Variants in GPLD1 observed in about 807,000 individuals in gnomAD.
The protein encoded by GPLD1 is phosphatidylinositol-glycan-specific phospholipase D.
GPLD1 carries 84 observed loss-of-function variants against 112.6 expected under a neutral mutation model. The observed-to-expected ratio is 0.75, with a 90% CI of 0.63 to 0.89. The LOEUF (loss-of-function observed/expected upper bound fraction) is 0.89, where lower values mean the gene tolerates loss of function less well. GPLD1 is among the 40% of genes least tolerant of loss of function. The probability of loss-of-function intolerance (pLI) is 0.00; values close to 1 mark genes in which losing one functional copy is unlikely to be tolerated. For synonymous variants in GPLD1, 386 were observed against 403.8 expected, an observed-to-expected ratio of 0.96 and a Z score of 0.53; for missense variants, 1,044 against 1,051.5, an observed-to-expected ratio of 0.99 and a Z score of 0.10.
At chr6:24,462,689 GA>G in intron 11 of GPLD1, 40 bp downstream of exon 11, 2 of 1,325,318 alleles carry the variant, frequency 1.5e-6, no homozygotes, top group African/African-American at 1.4e-5. Context: ...TCCTCCAGGT[GA>G]GATGTACTTT....
chr6:24,478,950 A>AAGTAATGTC (rs1271569716), intron 3 of GPLD1, among the ~76,000 whole-genome samples: 2 of 152,178 alleles, frequency 1.3e-5, no homozygotes, highest in African/African-American at 2.4e-5. Context: ...ACTGATAATG[A>AAGTAATGTC]CAGAGCAGAA....
At chr6:24,487,353 C>G (rs143998327) in intron 1 of GPLD1, among the ~76,000 whole-genome samples, 150 of 145,302 alleles carry the variant, frequency 1.0e-3, no homozygotes, top group Non-Finnish European at 1.9e-3. Context: ...TGGTCTTCTT[C>G]TATGTAAAAA....
At chr6:24,452,905 T>C (rs1178584309) in intron 14 of GPLD1, among the ~76,000 whole-genome samples, 2 of 152,052 alleles carry the variant, frequency 1.3e-5, no homozygotes, top group Admixed American at 6.5e-5. Flanking sequence ...AGTCTAGGGT[T>C]CTCCCCCTAG....
Position 24,467,271 on chromosome 6 carries a change from A to G in GPLD1, c.549T>C (p.Tyr183=), listed in dbSNP as rs141578646. The part of the protein sequence containing the change: ...FNFNYLARRW[Y]VPVKDLLGIY... ...TTCCCAGTAGATCTTTGACTGGCAC[A>G]TACCTGAAAAATGCAGAATAAAGTA... The change falls in exon 8 of 25, where the codon TAT becomes TAC. Residue 183 remains tyrosine, a synonymous_variant. Coordinates refer to ENST00000230036, the MANE Select transcript of GPLD1 (RefSeq NM_001503.4). The G allele has an allele frequency of 6.9e-5, 105 of 1,532,010 alleles. No homozygotes were observed. The African/African-American group carries it at 1.0e-3, about 15-fold the overall frequency. The allele number at this position is 1,532,010 out of a possible 1,614,324, so 94.9% of individuals were successfully genotyped here.
At position 24,466,793 on chromosome 6, in the gene GPLD1, G is replaced by A; in HGVS notation, c.708C>T (p.Ser236=). 6.2e-7 allele frequency: 1 copy of A among 1,611,924 alleles called. No individual in the cohort carries two copies. The highest frequency in any genetic ancestry group is 1.1e-5 in the South Asian group (1 of 91,026). ...CTTGGAATTGTTCCACCAAAAACGGGGACTTTGTAGAGTAAGTGGGATATA... is the reference window on the plus strand; with the variant it reads ...CTTGGAATTGTTCCACCAAAAACGGAGACTTTGTAGAGTAAGTGGGATATA... ...SKLYPTYSTK[S]PFLVEQFQEY... The change falls in exon 10 of 25, where the codon TCC becomes TCT. Residue 236 remains serine (S), a synonymous_variant. Transcript: ENST00000230036.
intron 14 of GPLD1, among the ~76,000 whole-genome samples, chr6:24,451,290 C>G (rs996477041): frequency 6.6e-6 from 1 of 152,142 alleles, no homozygotes; most frequent in African/African-American, 2.4e-5. Context: ...CTGGAATCAG[C>G]CTAAACCTGA....
intron 1 of GPLD1, among the ~76,000 whole-genome samples, chr6:24,488,928 C>A (rs1764473464): frequency 6.6e-6 from 1 of 152,156 alleles, no homozygotes; most frequent in African/African-American, 2.4e-5. Context: ...ACTTTCTTGA[C>A]CTTCCTGAAG....
intron 10 of GPLD1, among the ~76,000 whole-genome samples, 187 bp downstream of exon 10, chr6:24,466,493 G>A (rs2244216): frequency 0.29 from 44,640 of 152,160 alleles, 6,919 homozygotes; most frequent in Non-Finnish European, 0.34. Context: ...CAACTGGATG[G>A]GAACCAGTCA....
At position 24,466,835 on chromosome 6, in the gene GPLD1, A is replaced by G. The variant is rs1763635659; in HGVS notation, c.682-16T>C. On this transcript the variant is annotated splice_polypyrimidine_tract_variant and intron_variant, in intron 9 of 24. Coordinates refer to ENST00000230036, the MANE Select transcript of GPLD1 (RefSeq NM_001503.4). ...TGGGATATAACTATGGCAGAGAGAA[A>G]GAAAAAATAAAATGAATATGGTACT... The G allele has an allele frequency of 1.9e-6, 3 of 1,556,294 alleles. No individual in the cohort carries two copies. The Admixed American group carries it at 5.0e-5, about 26-fold the overall frequency.
At chr6:24,487,263 GC>G (rs11341050) in intron 1 of GPLD1, among the ~76,000 whole-genome samples, 76,261 of 151,822 alleles carry the variant, frequency 0.5, 19,709 homozygotes, top group African/African-American at 0.6. Context: ...TTCCACTCAG[GC>G]CCCTTTATAA....
Position 24,454,115 on chromosome 6 carries a change from T to A in GPLD1, c.1235A>T (p.His412Leu), listed in dbSNP as rs1311078181. Residue 412 changes from histidine (H) to leucine (L), a missense_variant, in exon 14 of 25, where the codon CAC becomes CTC. His to Leu is a moderately conservative substitution (Grantham distance 99). Coordinates refer to ENST00000230036, the MANE Select transcript of GPLD1 (RefSeq NM_001503.4). ...GTAGATGAGGTACACGCGCCCGATG[T>A]GGATGTGGCCGGGGCGGCTGTAGCC... ...APGYSRPGHIHIGRVYLIYGN... is the reference protein window; with the variant it reads ...APGYSRPGHILIGRVYLIYGN... 2 of 1,614,106 alleles carry A rather than the reference T, an allele frequency of 1.2e-6. No homozygotes were observed. The highest frequency in any genetic ancestry group is 1.7e-6 in the Non-Finnish European group (2 of 1,179,968).
Position 24,486,101 on chromosome 6 carries a change from G to T in GPLD1, c.127C>A (p.His43Asn). 6.3e-7 allele frequency: 1 copy of T among 1,596,890 alleles called. No homozygotes were observed. Among genetic ancestry groups the T allele is most frequent in the Middle Eastern group, 1.7e-4 (1 of 6,026 alleles). Reference protein sequence around the residue: ...GHRALEFLQLHNGRVNYRELL... With the variant: ...GHRALEFLQLNNGRVNYRELL... ...TCTCTGTAGTTAACACGCCCATTGT[G>T]AAGCTGAAGAAACTCCAGAGCTCTG... The change falls in exon 2 of 25, where the codon CAC becomes AAC. Residue 43 changes from histidine (H) to asparagine (N), a missense_variant. Coordinates refer to ENST00000230036, the MANE Select transcript of GPLD1 (RefSeq NM_001503.4).
intron 24 of GPLD1, among the ~76,000 whole-genome samples, chr6:24,429,924 C>G (rs981396482): frequency 6.6e-6 from 1 of 152,208 alleles, no homozygotes; most frequent in South Asian, 2.1e-4. Flanking sequence ...AAAAGTTATT[C>G]TGAACCAAAG....
In GPLD1 at chr6:24,445,599, A is replaced by T. The variant is rs1184078766; in HGVS notation, c.1967T>A (p.Val656Glu). ...KLGTSLSSGH[V>E]LMNGTLKQVL... ...TTGTTTCAGAGTCCCATTCATCAGT[A>T]CGTGGCCACTGGAAAGGGAAGTACC... Residue 656 changes from valine (V) to glutamate (E), a missense_variant, in exon 20 of 25, where the codon GTA (valine) becomes GAA (glutamate). Coordinates refer to ENST00000230036, the MANE Select transcript of GPLD1 (RefSeq NM_001503.4). 28 of 1,613,892 alleles carry T rather than the reference A, an allele frequency of 1.7e-5. No individual in the cohort carries two copies. In the Middle Eastern group the frequency reaches 4.9e-4, roughly 28 times the overall value.
Position 24,447,935 on chromosome 6 carries a change from T to C in GPLD1, c.1620A>G (p.Gly540=), listed in dbSNP as rs1581744722. 1 of 1,613,960 alleles carries C rather than the reference T, an allele frequency of 6.2e-7. No homozygotes were observed. Reference sequence around the variant, plus strand: ...CAGCCACAATTCCCTTCTGCTTCCCTCCACCTGGTGCAAAAGGGGAGCCGA... The same window carrying C: ...CAGCCACAATTCCCTTCTGCTTCCCCCCACCTGGTGCAAAAGGGGAGCCGA... ...LVIGSPFAPG[G]GKQKGIVAAF... The change falls in exon 17 of 25, where the codon GGA becomes GGG. Residue 540 remains glycine (G), a synonymous_variant. Coordinates refer to ENST00000230036, the MANE Select transcript of GPLD1 (RefSeq NM_001503.4).
At chr6:24,453,022 C>G (rs956206961) in intron 14 of GPLD1, among the ~76,000 whole-genome samples, 6 of 152,010 alleles carry the variant, frequency 3.9e-5, no homozygotes, top group Non-Finnish European at 1.5e-5. Context: ...CACGCTCCTC[C>G]TTATTGCTGT....
intron 7 of GPLD1, among the ~76,000 whole-genome samples, chr6:24,468,420 C>T (rs60251819): frequency 0.23 from 34,194 of 151,930 alleles, 5,556 homozygotes; most frequent in African/African-American, 0.46. Context: ...TTACTGTAAA[C>T]TGCATTTTCA....
intron 13 of GPLD1, among the ~76,000 whole-genome samples, chr6:24,454,601 T>A (rs937108170): frequency 3.3e-5 from 5 of 152,230 alleles, no homozygotes; most frequent in African/African-American, 1.2e-4. Context: ...TTCAATGTGT[T>A]ATCTGATCAA....
intron 13 of GPLD1, among the ~76,000 whole-genome samples, chr6:24,455,623 G>A (rs1763241836): frequency 6.6e-6 from 1 of 151,926 alleles, no homozygotes; most frequent in Non-Finnish European, 1.5e-5. Flanking sequence ...AAACTGTCAT[G>A]GTATACCAGC....
Sources: allele counts gnomAD v4.1 joint callset (sites outside exome capture counted in the v4.1 genomes callset), GRCh38; gene constraint gnomAD v4.1.1; transcripts MANE v1.5; gene names NCBI Gene and HGNC (gene_info 2026-07-23, HGNC 2026-07-21).